HNF4G: variants seen among roughly 807,000 people sequenced by gnomAD.
The protein encoded by HNF4G is hepatocyte nuclear factor 4 gamma, also known as hepatocyte nuclear factor 4-gamma.
A neutral mutation model predicts 50.9 loss-of-function variants in HNF4G; 21 were observed. That is an observed-to-expected ratio of 0.41 (90% CI 0.29 to 0.59). The LOEUF (loss-of-function observed/expected upper bound fraction) is 0.59. Among genes scored for constraint, HNF4G ranks in the 20% least tolerant of loss-of-function variants. The pLI is 0.26. For synonymous variants in HNF4G, 198 were observed against 185.6 expected, an observed-to-expected ratio of 1.07 and a Z score of -0.54; for missense variants, 527 against 559.4, an observed-to-expected ratio of 0.94 and a Z score of 0.58.
intron 1 of HNF4G, among the ~76,000 whole-genome samples, chr8:75,441,515 G>C (rs1164284809): frequency 2.6e-5 from 4 of 152,078 alleles, no homozygotes; most frequent in Non-Finnish European, 5.9e-5. Flanking sequence ...AAAGTCCTGG[G>C]ATTACAGATG....
In HNF4G at chr8:75,456,909, T is replaced by TA. The variant is rs201756778; in HGVS notation, c.-143-33170dup. On this transcript the variant is annotated intron_variant, in intron 1 of 10. Transcript: ENST00000354370. ...ACGTGTGCCACCATGCCCAAAAAAATAAAAAAAAAATTATTTGTAGAGATG... is the reference window on the plus strand; with the variant it reads ...ACGTGTGCCACCATGCCCAAAAAAATAAAAAAAAAAATTATTTGTAGAGATG... Among the ~76,000 whole-genome samples the TA allele has an allele frequency of 1.6e-3, 240 of 148,964 alleles. 1 individual carries two copies. Among genetic ancestry groups the TA allele is most frequent in the African/African-American group, 5.3e-3 (214 of 40,694 alleles).
chr8:75,543,935 T>C lies in HNF4G; in HGVS notation c.243T>C (p.Gly81=). 6.3e-7 allele frequency: 1 copy of C among 1,594,500 alleles called. No individual in the cohort carries two copies. Among genetic ancestry groups the C allele is most frequent in the Non-Finnish European group, 8.6e-7 (1 of 1,168,932 alleles). The change falls in exon 2 of 10, where the codon GGT becomes GGC. Residue 81 remains glycine, a synonymous_variant. Coordinates refer to ENST00000396423, the MANE Select transcript of HNF4G (RefSeq NM_004133.5). Reference sequence around the variant, plus strand: ...CATCCAGCTGTGATGGGTGCAAGGGTTTCTTCAGACGCAGCATTCGTAAGA... The same window carrying C: ...CATCCAGCTGTGATGGGTGCAAGGGCTTCTTCAGACGCAGCATTCGTAAGA... ...YGASSCDGCK[G]FFRRSIRKSH...
chr8:75,453,045 A>T lies in HNF4G; in HGVS notation c.-143-37044A>T, dbSNP rs116217138. Among the ~76,000 whole-genome samples, 210 of 152,384 alleles carry T rather than the reference A, an allele frequency of 1.4e-3. 1 individual carries two copies. The highest frequency in any genetic ancestry group is 4.4e-3 in the African/African-American group (183 of 41,602). On this transcript the variant is annotated intron_variant, in intron 1 of 10. Transcript: ENST00000354370. ...AAAGTTCACCTAGAGAATAGCAATC[A>T]TGTCAGGCCTTCTTAACTTTAGTTT...
intron 2 of HNF4G, among the ~76,000 whole-genome samples, chr8:75,530,949 C>G (rs1285954180): frequency 6.6e-6 from 1 of 152,018 alleles, no homozygotes; most frequent in Non-Finnish European, 1.5e-5. Context: ...TGCACCACCA[C>G]ACCCAGCTAA....
intron 1 of HNF4G, among the ~76,000 whole-genome samples, chr8:75,483,593 T>A (rs1812430937): frequency 6.6e-6 from 1 of 152,176 alleles, no homozygotes; most frequent in African/African-American, 2.4e-5. Context: ...AGGTTTCTCA[T>A]ATTTTTTCCT....
At chr8:75,507,218 T>C (rs965080578) in intron 2 of HNF4G, among the ~76,000 whole-genome samples, 6 of 152,124 alleles carry the variant, frequency 3.9e-5, no homozygotes, top group Admixed American at 3.9e-4. Flanking sequence ...TATCTCTATA[T>C]AGCGATTTGC....
At chr8:75,534,770 T>C (rs1164521682) in intron 2 of HNF4G, among the ~76,000 whole-genome samples, 1 of 151,818 alleles carries the variant, frequency 6.6e-6, no homozygotes, top group African/African-American at 2.4e-5. Flanking sequence ...TTAAAATTGG[T>C]TCCTTGGACT....
chr8:75,438,690 T>A (rs1811199652), intron 1 of HNF4G, among the ~76,000 whole-genome samples: 1 of 152,134 alleles, frequency 6.6e-6, no homozygotes, highest in Non-Finnish European at 1.5e-5. Flanking sequence ...ATGTAATTTT[T>A]AAATATGTAT....
intron 3 of HNF4G, among the ~76,000 whole-genome samples, chr8:75,548,524 A>T (rs971701092): frequency 3.9e-5 from 6 of 152,158 alleles, no homozygotes. Context: ...AAGAGACTAG[A>T]TGTGCTATTT....
intron 2 of HNF4G, among the ~76,000 whole-genome samples, chr8:75,512,165 TG>T (rs1173585420): frequency 2.0e-5 from 3 of 151,900 alleles, no homozygotes; most frequent in African/African-American, 7.2e-5. Flanking sequence ...CAAATCTTTA[TG>T]TTTTTAAATT....
At chr8:75,545,986 C>T (rs1369719492) in intron 2 of HNF4G, among the ~76,000 whole-genome samples, 1 of 152,136 alleles carries the variant, frequency 6.6e-6, no homozygotes, top group Non-Finnish European at 1.5e-5. Context: ...TCTGAAAGCA[C>T]ATTTCTCTTC....
At chr8:75,538,649 T>C (rs1198828457), upstream of HNF4G, among the ~76,000 whole-genome samples, 1 of 152,216 alleles carries the variant, frequency 6.6e-6, no homozygotes, top group Non-Finnish European at 1.5e-5. Flanking sequence ...ATGTCTAGTC[T>C]TCATTAAAGA....
At chr8:75,525,813 T>C (rs1806162498) in intron 2 of HNF4G, among the ~76,000 whole-genome samples, 1 of 152,184 alleles carries the variant, frequency 6.6e-6, no homozygotes, top group African/African-American at 2.4e-5. Flanking sequence ...TAATGGTCAT[T>C]TTAAATGCCT....
At chr8:75,558,497 G>A in intron 6 of HNF4G, 21 bp from the exon 7 acceptor site, 1 of 1,596,386 alleles carries the variant, frequency 6.3e-7, no homozygotes, top group Non-Finnish European at 8.5e-7. Context: ...GTTTTGTTTT[G>A]TTTTGTTTTC....
chr8:75,547,617 C>A lies in HNF4G; in HGVS notation c.318C>A (p.Asp106Glu). ...GTCGGCAATGTGTTGTTGACAAGGA[C>A]AAAAGGAATCAATGTAGATATTGTC... The part of the protein sequence containing the change: ...RFSRQCVVDK[D>E]KRNQCRYCRL... Residue 106 changes from aspartate to glutamate, a missense_variant, in exon 3 of 10, where the codon GAC becomes GAA. Transcript: ENST00000396423. The A allele has an allele frequency of 6.2e-7, 1 of 1,611,014 alleles. No individual in the cohort carries two copies. The highest frequency in any genetic ancestry group is 8.5e-7 in the Non-Finnish European group (1 of 1,177,828).
chr8:75,529,219 A>T (rs990195208), intron 2 of HNF4G, among the ~76,000 whole-genome samples: 11 of 152,042 alleles, frequency 7.2e-5, no homozygotes, highest in African/African-American at 2.7e-4. Flanking sequence ...TGAACCCGGC[A>T]GGCGGAGCTT....
At chr8:75,517,888 A>C (rs563011791) in intron 2 of HNF4G, among the ~76,000 whole-genome samples, 1 of 151,958 alleles carries the variant, frequency 6.6e-6, no homozygotes, top group Non-Finnish European at 1.5e-5. Flanking sequence ...GAAGTTCTCC[A>C]TGAGGGTTCC....
At chr8:75,479,976 A>T (rs11985912) in intron 1 of HNF4G, among the ~76,000 whole-genome samples, 63,625 of 151,342 alleles carry the variant, frequency 0.42, 15,773 homozygotes, top group African/African-American at 0.7. Flanking sequence ...AGGAAAAACA[A>T]CCTTAACTTT....
At chr8:75,507,035 A>G (rs1161228938) in intron 2 of HNF4G, among the ~76,000 whole-genome samples, 2 of 152,206 alleles carry the variant, frequency 1.3e-5, no homozygotes, top group African/African-American at 4.8e-5. Flanking sequence ...GATGATAGAT[A>G]GATAGACAGA....
Sources: allele counts gnomAD v4.1 joint callset (sites outside exome capture counted in the v4.1 genomes callset), GRCh38; gene constraint gnomAD v4.1.1; transcripts MANE v1.5; gene names NCBI Gene and HGNC (gene_info 2026-07-23, HGNC 2026-07-21).